RTTN: variants seen among roughly 807,000 people sequenced by gnomAD.
RTTN encodes the protein rotatin.
Under a neutral mutation model 269.2 loss-of-function variants are expected in RTTN, and 182 were observed. The observed-to-expected ratio is 0.68, with a 90% CI of 0.60 to 0.76. The LOEUF (loss-of-function observed/expected upper bound fraction) is 0.76, where lower values mean the gene tolerates loss of function less well. Ranked by LOEUF, RTTN falls within the 30% of genes least tolerant of loss-of-function variation. The pLI is 0.00. For synonymous variants in RTTN, 1,006 were observed against 963.5 expected, an observed-to-expected ratio of 1.04 and a Z score of -0.82; for missense variants, 2,545 against 2,608.6, an observed-to-expected ratio of 0.98 and a Z score of 0.53.
At chr18:70,158,068 G>T (rs998151740) in intron 14 of RTTN, among the ~76,000 whole-genome samples, 1 of 152,038 alleles carries the variant, frequency 6.6e-6, no homozygotes, top group Admixed American at 6.6e-5. Context: ...TCACTAGGCA[G>T]GTCAATAAGC....
At chr18:70,048,597 T>C (rs2057560894) in intron 39 of RTTN, among the ~76,000 whole-genome samples, 1 of 152,304 alleles carries the variant, frequency 6.6e-6, no homozygotes, top group South Asian at 2.1e-4. Flanking sequence ...GGATTTATAA[T>C]TTTGTTTGAT....
chr18:70,083,504 A>C (rs770181394), intron 32 of RTTN, among the ~76,000 whole-genome samples: 11 of 152,310 alleles, frequency 7.2e-5, no homozygotes, highest in Non-Finnish European at 1.6e-4. Context: ...ATGGTAAGAA[A>C]TAATGCAAAT....
chr18:70,038,073 G>A (rs937317572), intron 40 of RTTN, among the ~76,000 whole-genome samples: 1 of 152,306 alleles, frequency 6.6e-6, no homozygotes, highest in East Asian at 1.9e-4. Context: ...ATTGTGGTTT[G>A]AGTGCCAGGT....
At chr18:70,086,540 T>C in intron 32 of RTTN, 73 bp downstream of exon 32, 1 of 1,117,032 alleles carries the variant, frequency 9.0e-7, no homozygotes, top group Admixed American at 2.2e-5. Flanking sequence ...TGAAATATAC[T>C]ACTTATACTG....
intron 9 of RTTN, among the ~76,000 whole-genome samples, chr18:70,189,279 T>C (rs902068955): frequency 6.6e-6 from 1 of 152,236 alleles, no homozygotes; most frequent in African/African-American, 2.4e-5. Flanking sequence ...GTAAAAAGTA[T>C]GAGTACACAG....
At position 70,128,409 on chromosome 18, in the gene RTTN, T is replaced by C. The variant is rs753007867; in HGVS notation, c.3092A>G (p.His1031Arg). Residue 1031 changes from histidine to arginine, a missense_variant, in exon 24 of 49, where the codon CAT becomes CGT. By Grantham distance (29) the His-to-Arg change is conservative. Coordinates refer to ENST00000640769, the MANE Select transcript of RTTN (RefSeq NM_173630.4). Reference sequence around the variant, plus strand: ...TTGCTTCAACAGATTATCACTCCCATGATACCATGACAGGTTCCAAGCTAT... The same window carrying C: ...TTGCTTCAACAGATTATCACTCCCACGATACCATGACAGGTTCCAAGCTAT... ...LRIAWNLSWY[H>R]GSDNLLKQMN... is the part of the protein sequence containing the mutation. 6.2e-7 allele frequency: 1 copy of C among 1,613,226 alleles called. No homozygotes were observed. The highest frequency in any genetic ancestry group is 1.1e-5 in the South Asian group (1 of 91,028).
intron 14 of RTTN, among the ~76,000 whole-genome samples, chr18:70,155,050 ATTAGCCATCATGT>A (rs1237037487): frequency 1.3e-5 from 2 of 152,158 alleles, no homozygotes; most frequent in Admixed American, 1.3e-4. Context: ...CCTAACCCCA[ATTAGCCATCATGT>A]TCAAGGTCCC....
intron 23 of RTTN, 85 bp downstream of exon 23, chr18:70,134,388 A>G (rs891418321): frequency 3.8e-6 from 4 of 1,050,738 alleles, no homozygotes; most frequent in African/African-American, 1.6e-5. Flanking sequence ...TGCTAAATGA[A>G]AATTGTGACA....
At chr18:70,117,082 A>G (rs182404134) in intron 26 of RTTN, among the ~76,000 whole-genome samples, 91 of 152,252 alleles carry the variant, frequency 6.0e-4, no homozygotes, top group African/African-American at 2.0e-3. Flanking sequence ...CACATGGAAA[A>G]AAATTTCACA....
At position 70,167,051 on chromosome 18, in the gene RTTN, GAAC is replaced by G; in HGVS notation, c.1690-23_1690-21del. On this transcript the variant is annotated intron_variant, in intron 12 of 48. Transcript: ENST00000640769. ...CTCTCCCTACAAAAGAAGCAGAATG[GAAC>G]AATAAATGTCAAGTTCATGTGCAAT... 6.6e-7 allele frequency: 1 copy of G among 1,505,694 alleles called. No homozygotes were observed. Among genetic ancestry groups the G allele is most frequent in the African/African-American group, 1.4e-5 (1 of 72,802 alleles). 93.3% of individuals were successfully genotyped at this position (1,505,694 alleles called of 1,614,324 possible).
chr18:70,156,822 C>A (rs2145839551), intron 14 of RTTN, among the ~76,000 whole-genome samples: 1 of 152,280 alleles, frequency 6.6e-6, no homozygotes, highest in African/African-American at 2.4e-5. Flanking sequence ...TTGATATACT[C>A]CTCTAGGTGG....
intron 14 of RTTN, among the ~76,000 whole-genome samples, chr18:70,158,493 C>T (rs1173825806): frequency 6.6e-6 from 1 of 152,128 alleles, no homozygotes; most frequent in East Asian, 1.9e-4. Context: ...CACAAAAACA[C>T]ACTAAAATAC....
chr18:70,060,117 A>T, intron 35 of RTTN, 75 bp from the exon 36 acceptor site: 1 of 1,235,690 alleles, frequency 8.1e-7, no homozygotes, highest in Non-Finnish European at 1.1e-6. Flanking sequence ...TCTTATAATC[A>T]TAGGAAAGTT....
intron 27 of RTTN, among the ~76,000 whole-genome samples, chr18:70,113,732 T>C (rs543341118): frequency 6.6e-6 from 1 of 152,316 alleles, no homozygotes; most frequent in South Asian, 2.1e-4. Flanking sequence ...GTAGTGATAT[T>C]TGCTACAGTA....
chr18:70,095,342 C>T (rs192769326), intron 28 of RTTN, among the ~76,000 whole-genome samples: 2 of 152,030 alleles, frequency 1.3e-5, no homozygotes, highest in African/African-American at 4.8e-5. Flanking sequence ...CCTGTCATTA[C>T]GATGTTAGCT....
In RTTN at chr18:70,202,151, T is replaced by C. The variant is rs283252; in HGVS notation, c.398-168A>G. 0.097 allele frequency among the ~76,000 whole-genome samples: 14,726 copies of C among 152,142 alleles called. 1,683 individuals carry two copies. Among genetic ancestry groups the C allele is most frequent in the African/African-American group, 0.28 (11,558 of 41,466 alleles). On this transcript the variant is annotated intron_variant, in intron 3 of 48. Transcript: ENST00000640769. ...ATCTATCTTGCTAAAGAGGAAAAAA[T>C]GTGCACATTGAGCCCACTTCCAGTT...
At chr18:70,113,633 A>T (rs1410919869) in intron 27 of RTTN, among the ~76,000 whole-genome samples, 2 of 152,194 alleles carry the variant, frequency 1.3e-5, no homozygotes, top group Non-Finnish European at 2.9e-5. Context: ...GCCAAAAGGT[A>T]GAAACAGATC....
intron 28 of RTTN, among the ~76,000 whole-genome samples, chr18:70,093,039 T>C (rs1450258223): frequency 6.6e-6 from 1 of 152,140 alleles, no homozygotes; most frequent in Non-Finnish European, 1.5e-5. Context: ...CCCAGTCTAC[T>C]TTAAAAAAGA....
In RTTN at chr18:70,169,071, G is replaced by T; in HGVS notation, c.1477-4C>A. 1.3e-6 allele frequency: 2 copies of T among 1,560,270 alleles called. No homozygotes were observed. The highest frequency in any genetic ancestry group is 1.7e-6 in the Non-Finnish European group (2 of 1,161,274). ...GCTCTGATAAAAACTCGCTTGCCTTGGTGAATTAAAAAAACAAAAAAATTA... is the reference window on the plus strand; with the variant it reads ...GCTCTGATAAAAACTCGCTTGCCTTTGTGAATTAAAAAAACAAAAAAATTA... On this transcript the variant is annotated splice_region_variant and splice_polypyrimidine_tract_variant and intron_variant, in intron 11 of 48. Coordinates refer to ENST00000640769, the MANE Select transcript of RTTN (RefSeq NM_173630.4).
Sources: gnomAD v4.1 joint callset for allele counts (sites outside exome capture counted in the v4.1 genomes callset) on GRCh38, gnomAD v4.1.1 for gene constraint, MANE v1.5 for transcripts, NCBI Gene and HGNC (gene_info 2026-07-23, HGNC 2026-07-21) for gene names.